Variants in COL11A1 observed in about 807,000 individuals in gnomAD.
The protein encoded by COL11A1 is collagen type XI alpha 1 chain, also known as collagen alpha-1(XI) chain.
Under a neutral mutation model 265.2 loss-of-function variants are expected in COL11A1, and 74 were observed. That is an observed-to-expected ratio of 0.28 (90% CI 0.23 to 0.34). The LOEUF is 0.34. COL11A1 is among the 10% of genes least tolerant of loss of function. The pLI, the probability that COL11A1 is intolerant of heterozygous loss-of-function variation, is 1.00. For synonymous variants in COL11A1, 816 were observed against 727.6 expected (o/e 1.12, Z -1.96); for missense variants, 2,165 against 2,263.6 (o/e 0.96, Z 0.88).
chr1:102,882,609 A>G (rs1650403699), intron 64 of COL11A1, among the ~76,000 whole-genome samples: 2 of 152,174 alleles, frequency 1.3e-5, no homozygotes, highest in African/African-American at 4.8e-5. Context: ...TTACATGAAT[A>G]CCAATAAAGA....
chr1:102,992,741 G>C (rs1159687463), intron 28 of COL11A1, among the ~76,000 whole-genome samples: 1 of 151,918 alleles, frequency 6.6e-6, no homozygotes, highest in African/African-American at 2.4e-5. Flanking sequence ...AAAAGCTATA[G>C]CTGAAAAATA....
At position 102,976,289 on chromosome 1, in the gene COL11A1, C is replaced by CTT. The variant is rs149842131; in HGVS notation, c.2755-1408_2755-1407dup. On this transcript the variant is annotated intron_variant, in intron 35 of 66. Transcript: ENST00000370096. ...TATAAAATTTCACAGAAAACGTTGGCTTTTTTTTTTTTTTTTTTTTTTTTT... is the reference window on the plus strand; with the variant it reads ...TATAAAATTTCACAGAAAACGTTGGCTTTTTTTTTTTTTTTTTTTTTTTTTTT... 1.7e-4 allele frequency among the ~76,000 whole-genome samples: 10 copies of CTT among 58,576 alleles called. 4 individuals carry two copies. The highest frequency in any genetic ancestry group is 1.3e-3 in the East Asian group (2 of 1,552). The allele number at this position is 58,576 out of a possible 152,430, so 38.4% of individuals were successfully genotyped here.
At chr1:102,957,318 T>C (rs1660475877) in intron 41 of COL11A1, among the ~76,000 whole-genome samples, 1 of 152,116 alleles carries the variant, frequency 6.6e-6, no homozygotes, top group African/African-American at 2.4e-5. Flanking sequence ...AAGGATATAG[T>C]GCATAAGCTA....
chr1:102,930,414 A>T (rs1657258788), intron 46 of COL11A1, among the ~76,000 whole-genome samples: 1 of 151,742 alleles, frequency 6.6e-6, no homozygotes, highest in Non-Finnish European at 1.5e-5. Context: ...GCGTATATTG[A>T]ACCAGCCTTG....
At chr1:102,893,896 A>C (rs1249210694) in intron 57 of COL11A1, among the ~76,000 whole-genome samples, 2 of 152,186 alleles carry the variant, frequency 1.3e-5, no homozygotes, top group African/African-American at 4.8e-5. Flanking sequence ...GATTAAAGAA[A>C]TAAACTCTAA....
chr1:102,880,111 C>T (rs1650041121), intron 65 of COL11A1, 195 bp from the exon 66 acceptor site: 1 of 573,974 alleles, frequency 1.7e-6, no homozygotes. Context: ...AATTGTATCC[C>T]ACCTAAGTTA....
intron 1 of COL11A1, 58 bp downstream of exon 1, chr1:103,108,015 C>T: frequency 8.2e-7 from 1 of 1,218,046 alleles, no homozygotes; most frequent in Non-Finnish European, 1.2e-6. Flanking sequence ...GGGGGAGGGG[C>T]GCAGAAGCAG....
At chr1:103,079,371 T>C (rs1932986) in intron 2 of COL11A1, among the ~76,000 whole-genome samples, 125,491 of 152,058 alleles carry the variant, frequency 0.83, 52,017 homozygotes, top group East Asian at 1. Flanking sequence ...AGTTTCACTG[T>C]ATATTGCTTC....
At chr1:102,972,883 T>A (rs1287125171) in intron 36 of COL11A1, among the ~76,000 whole-genome samples, 3 of 151,950 alleles carry the variant, frequency 2.0e-5, no homozygotes, top group Non-Finnish European at 4.4e-5. Context: ...ATGTGTTTTT[T>A]AAATGGATGG....
At chr1:103,062,302 C>G (rs544865463) in intron 4 of COL11A1, among the ~76,000 whole-genome samples, 1 of 151,720 alleles carries the variant, frequency 6.6e-6, no homozygotes, top group African/African-American at 2.4e-5. Flanking sequence ...AATATAGAAG[C>G]GAAAGGAATA....
rs547837410 is a variant in COL11A1 at position 102,935,737 on chromosome 1, C to T, written c.3439-624G>A. On this transcript the variant is annotated intron_variant, in intron 44 of 66. Transcript: ENST00000370096. ...AACGGGTCAGGCAATATAAAAGGTT[C>T]AGGCATTAAAGAAATAAAACTGTCA... 6.6e-5 allele frequency among the ~76,000 whole-genome samples: 10 copies of T among 152,206 alleles called. No homozygotes were observed. In the South Asian group the frequency reaches 2.1e-3, roughly 32 times the overall value.
intron 4 of COL11A1, among the ~76,000 whole-genome samples, chr1:103,047,297 T>C (rs1669368866): frequency 6.6e-6 from 1 of 152,194 alleles, no homozygotes; most frequent in Non-Finnish European, 1.5e-5. Flanking sequence ...CAGTGGTTTG[T>C]AGTTATCCTT....
intron 1 of COL11A1, among the ~76,000 whole-genome samples, chr1:103,098,932 C>A (rs1249347723): frequency 1.3e-5 from 2 of 151,756 alleles, no homozygotes; most frequent in Non-Finnish European, 2.9e-5. Flanking sequence ...ACAATAATAT[C>A]AGCAGAAATT....
chr1:103,095,630 T>C (rs1432574268), intron 1 of COL11A1, among the ~76,000 whole-genome samples: 5 of 152,026 alleles, frequency 3.3e-5, no homozygotes, highest in African/African-American at 9.7e-5. Context: ...AGGGATCTTT[T>C]TTCAAAAAAT....
chr1:103,020,133 T>C (rs1208878575), intron 9 of COL11A1, among the ~76,000 whole-genome samples: 5 of 152,020 alleles, frequency 3.3e-5, no homozygotes, highest in African/African-American at 1.2e-4. Context: ...CAAATGGTAT[T>C]TCTAGTTTTA....
chr1:102,942,646 ATATT>A, intron 42 of COL11A1, among the ~76,000 whole-genome samples: 1 of 152,098 alleles, frequency 6.6e-6, no homozygotes, highest in Non-Finnish European at 1.5e-5. Flanking sequence ...GCATGGTCTT[ATATT>A]TAACCTATAC....
At chr1:103,092,574 T>C (rs564791495) in intron 1 of COL11A1, among the ~76,000 whole-genome samples, 2 of 152,252 alleles carry the variant, frequency 1.3e-5, no homozygotes, top group African/African-American at 4.8e-5. Context: ...TAAGATTAAG[T>C]GTAGTGCATT....
chr1:102,998,359 G>T lies in COL11A1; in HGVS notation c.2147C>A (p.Pro716Gln). The change falls in exon 25 of 67, where the codon CCA (proline) becomes CAA (glutamine). Residue 716 changes from proline (P) to glutamine (Q), a missense_variant. By Grantham distance (76) the Pro-to-Gln change is moderately conservative. Transcript: ENST00000370096. The part of the protein sequence containing the change: ...GPIGPPGEKG[P>Q]QGKPGLAGLP... ...TCCAGCAAGTCCTGGTTTTCCTTGT[G>T]GTCCCTTATAGAGAAAAAAAAAATA... 1 of 1,599,158 alleles carries T rather than the reference G, an allele frequency of 6.3e-7. No individual in the cohort carries two copies.
chr1:103,085,172 T>C (rs1203077757), intron 1 of COL11A1, among the ~76,000 whole-genome samples: 3 of 152,246 alleles, frequency 2.0e-5, no homozygotes, highest in Non-Finnish European at 4.4e-5. Flanking sequence ...TACTGCATTA[T>C]TTATTATGTG....
Sources: allele counts gnomAD v4.1 joint callset (sites outside exome capture counted in the v4.1 genomes callset), GRCh38; gene constraint gnomAD v4.1.1; transcripts MANE v1.5; gene names NCBI Gene and HGNC (gene_info 2026-07-23, HGNC 2026-07-21).